Variants in PDE3A observed in about 807,000 individuals in gnomAD.
The protein encoded by PDE3A is phosphodiesterase 3A.
PDE3A carries 43 observed loss-of-function variants against 98.3 expected under a neutral mutation model. The ratio of observed to expected loss-of-function variants is 0.44; its 90% CI spans 0.34 to 0.56. PDE3A has a LOEUF of 0.56. PDE3A is among the 20% of genes least tolerant of loss of function. The pLI is 0.01. For synonymous variants in PDE3A, 663 were observed against 567.9 expected (o/e 1.17, Z -2.38); for missense variants, 1,427 against 1,440.7 (o/e 0.99, Z 0.15).
At chr12:20,404,621 C>T (rs973299876) in intron 1 of PDE3A, among the ~76,000 whole-genome samples, 2 of 152,086 alleles carry the variant, frequency 1.3e-5, no homozygotes, top group Non-Finnish European at 2.9e-5. Flanking sequence ...GCAATTCTAG[C>T]TTTGTTTCCC....
intron 1 of PDE3A, among the ~76,000 whole-genome samples, chr12:20,386,072 A>ATATATATAAAATATATAT (rs1555140917): frequency 6.7e-5 from 3 of 44,894 alleles, no homozygotes; most frequent in Non-Finnish European, 1.2e-4. Context: ...ATATATATAA[A>ATATATATAAAATATATAT]ATATATATAA....
chr12:20,381,323 A>G (rs1943659333), intron 1 of PDE3A, among the ~76,000 whole-genome samples: 1 of 151,910 alleles, frequency 6.6e-6, no homozygotes, highest in Non-Finnish European at 1.5e-5. Context: ...CACCATAAAA[A>G]TGAGTGCCAA....
chr12:20,551,493 T>A, intron 1 of PDE3A: 3 of 788,262 alleles, frequency 3.8e-6, no homozygotes, highest in Non-Finnish European at 6.1e-6. Flanking sequence ...CGTTCTTAGT[T>A]GGTGGAGCGA....
At chr12:20,658,595 G>A (rs541811519) in intron 15 of PDE3A, among the ~76,000 whole-genome samples, 1 of 152,270 alleles carries the variant, frequency 6.6e-6, no homozygotes, top group African/African-American at 2.4e-5. Context: ...AAAAGTGCTG[G>A]AGGATGTTAT....
chr12:20,672,956 A>T (rs1285907452), intron 15 of PDE3A, among the ~76,000 whole-genome samples: 1 of 150,580 alleles, frequency 6.6e-6, no homozygotes, highest in East Asian at 1.9e-4. Context: ...CTCATCTGAC[A>T]AAGGGCTAAT....
At chr12:20,632,508 G>A (rs559295950) in intron 6 of PDE3A, among the ~76,000 whole-genome samples, 1 of 152,318 alleles carries the variant, frequency 6.6e-6, no homozygotes, top group South Asian at 2.1e-4. Flanking sequence ...AGCAGCAAAT[G>A]CAGAATCAAA....
chr12:20,674,768 A>T (rs1220111738), intron 15 of PDE3A, among the ~76,000 whole-genome samples: 2 of 151,956 alleles, frequency 1.3e-5, no homozygotes, highest in East Asian at 3.9e-4. Context: ...ATACTTTTGT[A>T]TTTCTGTGCT....
At chr12:20,642,061 A>G (rs1592139971) in intron 10 of PDE3A, among the ~76,000 whole-genome samples, 1 of 152,214 alleles carries the variant, frequency 6.6e-6, no homozygotes, top group East Asian at 1.9e-4. Context: ...TTGTTTTAAT[A>G]TTTATTTTGG....
At chr12:20,394,488 A>G (rs910380494) in intron 1 of PDE3A, among the ~76,000 whole-genome samples, 2 of 152,204 alleles carry the variant, frequency 1.3e-5, no homozygotes, top group Non-Finnish European at 2.9e-5. Flanking sequence ...TGTAGTTAAC[A>G]TTGTGATGAA....
At chr12:20,604,815 A>G (rs550830798) in intron 2 of PDE3A, among the ~76,000 whole-genome samples, 9 of 152,298 alleles carry the variant, frequency 5.9e-5, no homozygotes, top group South Asian at 2.1e-4. Context: ...TCTCTCAAGT[A>G]TGTGTCCACT....
rs1256482776 is a variant in PDE3A, at chr12:20,621,307, G to T, written c.1436G>T (p.Trp479Leu). The T allele has an allele frequency of 6.4e-7, 1 of 1,574,244 alleles. No homozygotes were observed. The highest frequency in any genetic ancestry group is 8.7e-7 in the Non-Finnish European group (1 of 1,144,246). ...QEAPSSSPDS[W>L]NNPVMMTLTK... is the part of the protein sequence containing the mutation. ...TCTGGTGCTTTTAGTCCTGATTCTT[G>T]GAATAATCCAGTGATGATGACCCTC... The change falls in exon 5 of 16, where the codon TGG (tryptophan) becomes TTG (leucine). Residue 479 changes from tryptophan (W) to leucine (L), a missense_variant. Transcript: ENST00000359062.
intron 2 of PDE3A, among the ~76,000 whole-genome samples, chr12:20,612,289 C>T (rs4369459): frequency 0.98 from 148,929 of 151,696 alleles, 73,159 homozygotes; most frequent in East Asian, 1. Flanking sequence ...GTTTGAATTG[C>T]CTATTCACTT....
At chr12:20,411,078 AT>A (rs1336114327) in intron 1 of PDE3A, among the ~76,000 whole-genome samples, 1 of 152,082 alleles carries the variant, frequency 6.6e-6, no homozygotes, top group Non-Finnish European at 1.5e-5. Flanking sequence ...GTAATTTGGG[AT>A]TTTTTTCTTC....
At chr12:20,383,166 G>C (rs548376740) in intron 1 of PDE3A, among the ~76,000 whole-genome samples, 4 of 151,806 alleles carry the variant, frequency 2.6e-5, no homozygotes, top group African/African-American at 9.7e-5. Flanking sequence ...TTTGAGGGTC[G>C]GTTGTGTAGT....
At chr12:20,576,624 T>A (rs1942938509) in intron 2 of PDE3A, among the ~76,000 whole-genome samples, 1 of 152,162 alleles carries the variant, frequency 6.6e-6, no homozygotes, top group South Asian at 2.1e-4. Context: ...AGAAACTGAC[T>A]TTCAGCATTA....
chr12:20,587,253 C>T lies in PDE3A; in HGVS notation c.1012-26190C>T, dbSNP rs184275149. On this transcript the variant is annotated intron_variant, in intron 2 of 15. Transcript: ENST00000359062. Reference sequence around the variant, plus strand: ...CGAGGTGGTTGCGTGCCTGTAATCCCAGCTACTCAGGAGGCTGAGGCAGAA... The same window carrying T: ...CGAGGTGGTTGCGTGCCTGTAATCCTAGCTACTCAGGAGGCTGAGGCAGAA... Among the ~76,000 whole-genome samples the T allele has an allele frequency of 3.5e-4, 54 of 152,208 alleles. 1 individual carries two copies. The East Asian group carries it at 9.3e-3, about 26-fold the overall frequency.
At chr12:20,482,599 A>G (rs1945651084) in intron 1 of PDE3A, among the ~76,000 whole-genome samples, 2 of 152,228 alleles carry the variant, frequency 1.3e-5, no homozygotes. Context: ...AATTGGAACT[A>G]AGTATGTCTG....
chr12:20,650,341 T>A (rs1944887700), intron 13 of PDE3A, 104 bp from the exon 14 acceptor site: 3 of 623,238 alleles, frequency 4.8e-6, no homozygotes, highest in African/African-American at 1.8e-5. Context: ...GGTATTATGA[T>A]CCCTATATAA....
At chr12:20,404,828 T>TG (rs1555142691) in intron 1 of PDE3A, among the ~76,000 whole-genome samples, 3 of 140,012 alleles carry the variant, frequency 2.1e-5, no homozygotes, top group Non-Finnish European at 4.5e-5. Context: ...GTTACAGAGT[T>TG]TTTTTTTTTT....
Sources: gnomAD v4.1 joint callset for allele counts (sites outside exome capture counted in the v4.1 genomes callset) on GRCh38, gnomAD v4.1.1 for gene constraint, MANE v1.5 for transcripts, NCBI Gene and HGNC (gene_info 2026-07-23, HGNC 2026-07-21) for gene names.